SREBF2: variants seen among roughly 807,000 people sequenced by gnomAD.
The protein encoded by SREBF2 is sterol regulatory element binding transcription factor 2.
Under a neutral mutation model 113.1 loss-of-function variants are expected in SREBF2, and 55 were observed. The observed-to-expected ratio is 0.49, with a 90% CI of 0.39 to 0.61. SREBF2 has a LOEUF of 0.61. SREBF2 is among the 20% of genes least tolerant of loss of function. SREBF2 has a pLI of 0.00. For synonymous variants in SREBF2, 593 were observed against 605.7 expected (o/e 0.98, Z 0.31); for missense variants, 1,349 against 1,487.4 (o/e 0.91, Z 1.53).
intron 2 of SREBF2, 93 bp from the exon 3 acceptor site, chr22:41,868,518 A>C: frequency 7.0e-7 from 1 of 1,426,754 alleles, no homozygotes; most frequent in Non-Finnish European, 9.9e-7. Context: ...AGTTGGAATC[A>C]TTATGAGATA....
chr22:41,894,529 G>A (rs1351303843), intron 12 of SREBF2, among the ~76,000 whole-genome samples: 3 of 152,024 alleles, frequency 2.0e-5, no homozygotes, highest in Non-Finnish European at 4.4e-5. Context: ...AACTCCACCT[G>A]ACAGCTCCCA....
intron 14 of SREBF2, among the ~76,000 whole-genome samples, chr22:41,897,941 C>T (rs1275441897): frequency 1.3e-5 from 2 of 152,156 alleles, no homozygotes; most frequent in African/African-American, 4.8e-5. Context: ...GGAGCCTGTT[C>T]CAGATACTTT....
At chr22:41,862,154 C>A (rs1196058661) in intron 1 of SREBF2, among the ~76,000 whole-genome samples, 1 of 152,048 alleles carries the variant, frequency 6.6e-6, no homozygotes, top group Non-Finnish European at 1.5e-5. Context: ...TTCAGGTTAC[C>A]TCATTCTCAG....
chr22:41,846,325 G>A (rs914420237), intron 1 of SREBF2, among the ~76,000 whole-genome samples: 13 of 152,124 alleles, frequency 8.5e-5, no homozygotes, highest in African/African-American at 4.8e-5. Flanking sequence ...GTACTCCTCC[G>A]CCTTCATGAT....
rs1403514630 is a variant in SREBF2 at position 41,894,909 on chromosome 22, A to G, written c.2467A>G (p.Lys823Glu). Residue 823 changes from lysine to glutamate, a missense_variant, in exon 13 of 19, where the codon AAG becomes GAG. Lys to Glu is a moderately conservative substitution (Grantham distance 56, BLOSUM62 1). Coordinates refer to ENST00000361204, the MANE Select transcript of SREBF2 (RefSeq NM_004599.4). Reference sequence around the variant, plus strand: ...CTTGGTGAAACCTCAGGCCAAGAAGAAGGCTGGAGACCAGGAAGAAGAGAG... The same window carrying G: ...CTTGGTGAAACCTCAGGCCAAGAAGGAGGCTGGAGACCAGGAAGAAGAGAG... ...ESLVKPQAKKKAGDQEEESCE... is the reference protein window; with the variant it reads ...ESLVKPQAKKEAGDQEEESCE... 6.2e-7 allele frequency: 1 copy of G among 1,614,030 alleles called. No homozygotes were observed. Among genetic ancestry groups the G allele is most frequent in the Non-Finnish European group, 8.5e-7 (1 of 1,180,010 alleles).
intron 1 of SREBF2, among the ~76,000 whole-genome samples, chr22:41,847,324 G>A (rs2076885875): frequency 6.6e-6 from 1 of 152,178 alleles, no homozygotes; most frequent in Non-Finnish European, 1.5e-5. Context: ...TGCAGAACAG[G>A]GTCATGCAGG....
At chr22:41,892,356 A>C (rs2077371347) in intron 11 of SREBF2, among the ~76,000 whole-genome samples, 1 of 152,186 alleles carries the variant, frequency 6.6e-6, no homozygotes, top group South Asian at 2.1e-4. Flanking sequence ...ATGTAATTAA[A>C]ATGACATGAT....
intron 16 of SREBF2, chr22:41,901,080 T>G (rs1279359363): frequency 6.7e-6 from 3 of 444,940 alleles, no homozygotes; most frequent in Non-Finnish European, 1.4e-5. Flanking sequence ...GGGATCCTGA[T>G]AGAGGGCACT....
chr22:41,836,640 C>T (rs530696327), intron 1 of SREBF2, among the ~76,000 whole-genome samples: 3 of 152,298 alleles, frequency 2.0e-5, no homozygotes, highest in Admixed American at 6.5e-5. Flanking sequence ...AGTGAGAGTG[C>T]CCATTAAATA....
At chr22:41,877,632 C>T (rs1245327215) in intron 8 of SREBF2, among the ~76,000 whole-genome samples, 2 of 152,154 alleles carry the variant, frequency 1.3e-5, no homozygotes, top group African/African-American at 4.8e-5. Context: ...CAAAACAAAT[C>T]AGGGACCCAC....
chr22:41,906,773 A>G lies in SREBF2; in HGVS notation c.*1113A>G, dbSNP rs922747718. On this transcript the variant is annotated 3_prime_UTR_variant, in exon 19 of 19. Coordinates refer to ENST00000361204, the MANE Select transcript of SREBF2 (RefSeq NM_004599.4). ...AGGGACCAACCCCTAATCCCTCCCC[A>G]GCGGCAAGCCCCTCTTTTCAGAGTG... is the stretch of plus-strand genomic sequence containing the variant. 6.6e-6 allele frequency: 1 copy of G among 152,190 alleles called. No individual in the cohort carries two copies. The highest frequency in any genetic ancestry group is 1.5e-5 in the Non-Finnish European group (1 of 68,026). The allele number at this position is 152,190 out of a possible 1,614,324, so 9.4% of individuals were successfully genotyped here. A position where few individuals can be genotyped will look rare whatever the true frequency, so the allele number is the denominator to read the frequency against.
At chr22:41,888,776 A>G (rs1337942140) in intron 11 of SREBF2, among the ~76,000 whole-genome samples, 1 of 152,262 alleles carries the variant, frequency 6.6e-6, no homozygotes, top group African/African-American at 2.4e-5. Context: ...GGATATAAAT[A>G]TTTGAAACTT....
At chr22:41,872,154 G>A (rs1308399643) in intron 4 of SREBF2, among the ~76,000 whole-genome samples, 1 of 151,816 alleles carries the variant, frequency 6.6e-6, no homozygotes, top group African/African-American at 2.4e-5. Context: ...GGAGGCCGAG[G>A]TAGGAGAATG....
At chr22:41,899,578 C>G in intron 15 of SREBF2, 1 of 991,578 alleles carries the variant, frequency 1.0e-6, no homozygotes, top group Non-Finnish European at 1.2e-6. Flanking sequence ...GCTTGAAGTC[C>G]TTTGTTCCCT....
At chr22:41,886,048 A>G (rs1439290896) in intron 11 of SREBF2, 1 of 152,214 alleles carries the variant, frequency 6.6e-6, no homozygotes, top group Non-Finnish European at 1.5e-5. Context: ...ATGACTGAGC[A>G]CCGTCTCTAA....
At position 41,893,174 on chromosome 22, in the gene SREBF2, G is replaced by C. The variant is rs1404889360; in HGVS notation, c.2266G>C (p.Asp756His). Residue 756 changes from aspartate (D) to histidine (H), a missense_variant, in exon 12 of 19, where the codon GAC becomes CAC. Physicochemically the swap from Asp to His is moderately conservative, Grantham distance 81. Coordinates refer to ENST00000361204, the MANE Select transcript of SREBF2 (RefSeq NM_004599.4). Reference protein sequence around the residue: ...LCGPEHSAVPDSLRWLCHPLG... With the variant: ...LCGPEHSAVPHSLRWLCHPLG... The stretch of plus-strand genomic sequence containing the variant: ...TGGCCCCGAGCACAGTGCTGTTCCT[G>C]ACTCCCTGCGCTGGCTCTGCCACCC... 1.2e-6 allele frequency: 2 copies of C among 1,614,164 alleles called. No individual in the cohort carries two copies. The highest frequency in any genetic ancestry group is 1.1e-5 in the South Asian group (1 of 91,084).
chr22:41,868,881 C>T (rs1489346326), intron 3 of SREBF2, 89 bp downstream of exon 3: 1 of 1,509,346 alleles, frequency 6.6e-7, no homozygotes, highest in African/African-American at 1.4e-5. Flanking sequence ...CTAAGAAGGA[C>T]CAACCAGAGT....
intron 13 of SREBF2, among the ~76,000 whole-genome samples, chr22:41,895,373 CGCCTGCCTCA>C (rs892353291): frequency 1.7e-4 from 25 of 151,176 alleles, no homozygotes; most frequent in Admixed American, 2.6e-4. Context: ...CCTCGTGATC[CGCCTGCCTCA>C]GCCTCCCAAA....
At chr22:41,871,138 G>A in intron 4 of SREBF2, 103 bp downstream of exon 4, 1 of 1,474,676 alleles carries the variant, frequency 6.8e-7, no homozygotes, top group Middle Eastern at 1.9e-4. Context: ...GGTATGGGAG[G>A]GTCTATAGCA....
Sources: allele counts gnomAD v4.1 joint callset (sites outside exome capture counted in the v4.1 genomes callset), GRCh38; gene constraint gnomAD v4.1.1; transcripts MANE v1.5; gene names NCBI Gene and HGNC (gene_info 2026-07-23, HGNC 2026-07-21).